The following NCKAP5 variants were observed in gnomAD, a reference collection of about 807,000 sequenced individuals.
The protein encoded by NCKAP5 is NCK associated protein 5.
NCKAP5 carries 92 observed loss-of-function variants against 167.0 expected under a neutral mutation model. The ratio of observed to expected loss-of-function variants is 0.55; its 90% CI spans 0.47 to 0.66. NCKAP5 has a LOEUF of 0.66. Among genes scored for constraint, NCKAP5 ranks in the 30% least tolerant of loss-of-function variants. The pLI is 0.00. For missense variants in NCKAP5, 2,378 were observed against 2,315.0 expected (o/e 1.03, Z -0.56); for synonymous variants, 891 against 877.4 (o/e 1.02, Z -0.27).
At chr2:133,240,895 T>C (rs981066602) in intron 4 of NCKAP5, among the ~76,000 whole-genome samples, 13 of 152,346 alleles carry the variant, frequency 8.5e-5, no homozygotes, top group Middle Eastern at 3.4e-3. Flanking sequence ...AAAAGCATTT[T>C]ACTACATTCT....
intron 9 of NCKAP5, among the ~76,000 whole-genome samples, chr2:132,873,314 C>CAT (rs1488478170): frequency 6.6e-6 from 1 of 152,002 alleles, no homozygotes; most frequent in Non-Finnish European, 1.5e-5. Flanking sequence ...GGGGTTTCAC[C>CAT]ATATCAGCCA....
intron 19 of NCKAP5, among the ~76,000 whole-genome samples, chr2:132,694,786 A>G (rs1257140541): frequency 2.6e-5 from 4 of 152,232 alleles, no homozygotes; most frequent in Admixed American, 2.0e-4. Flanking sequence ...TAGGCTCTTT[A>G]TAGAGTCTCT....
chr2:133,631,898 G>A, the NCKAP5 span, among the ~76,000 whole-genome samples: 1 of 152,158 alleles, frequency 6.6e-6, no homozygotes, highest in South Asian at 2.1e-4. Flanking sequence ...TTCTTTTGAG[G>A]GTTGGGCTTA....
In NCKAP5 at chr2:132,701,210, T is replaced by G. The variant is rs531433769; in HGVS notation, c.5713+24417A>C. Reference sequence around the variant, plus strand: ...TAAATCTGGCAACACCGTGGAAAGATTCTAAAGTCTATCCTAGGCTGAGAA... The same window carrying G: ...TAAATCTGGCAACACCGTGGAAAGAGTCTAAAGTCTATCCTAGGCTGAGAA... On this transcript the variant is annotated intron_variant, in intron 19 of 19. Transcript: ENST00000409261. Among the ~76,000 whole-genome samples the G allele has an allele frequency of 3.0e-4, 46 of 152,264 alleles. 1 individual carries two copies. The highest frequency in any genetic ancestry group is 1.0e-3 in the African/African-American group (43 of 41,548).
intron 5 of NCKAP5, among the ~76,000 whole-genome samples, chr2:133,132,837 C>T (rs915187720): frequency 2.0e-5 from 3 of 151,812 alleles, no homozygotes; most frequent in Non-Finnish European, 4.4e-5. Flanking sequence ...CAACCACGCC[C>T]GGCTAATTTT....
chr2:133,202,259 A>C (rs561905582), intron 5 of NCKAP5, among the ~76,000 whole-genome samples: 1 of 152,320 alleles, frequency 6.6e-6, no homozygotes, highest in East Asian at 1.9e-4. Flanking sequence ...GATCTTTGAC[A>C]AACCTGACAA....
intron 3 of NCKAP5, among the ~76,000 whole-genome samples, chr2:133,354,023 G>A (rs751282979): frequency 3.3e-5 from 5 of 152,176 alleles, no homozygotes; most frequent in Non-Finnish European, 5.9e-5. Context: ...TCTGTGAATG[G>A]CAGGCTAAAA....
chr2:133,164,744 C>T (rs1352687287), intron 5 of NCKAP5, among the ~76,000 whole-genome samples: 1 of 152,142 alleles, frequency 6.6e-6, no homozygotes, highest in East Asian at 1.9e-4. Flanking sequence ...TTCAGTGTCT[C>T]GGGAATCTCT....
chr2:132,745,278 A>C (rs1413605843), intron 16 of NCKAP5, among the ~76,000 whole-genome samples: 1 of 151,892 alleles, frequency 6.6e-6, no homozygotes, highest in African/African-American at 2.4e-5. Flanking sequence ...TTACCCAAGG[A>C]ATGTAAAATT....
At chr2:133,451,863 G>A (rs1200443074) in intron 3 of NCKAP5, among the ~76,000 whole-genome samples, 1 of 152,180 alleles carries the variant, frequency 6.6e-6, no homozygotes, top group Non-Finnish European at 1.5e-5. Context: ...CCGAAGGAGT[G>A]ATGGGAACTT....
At chr2:133,626,876 C>G in the NCKAP5 span, among the ~76,000 whole-genome samples, 1 of 151,714 alleles carries the variant, frequency 6.6e-6, no homozygotes, top group Non-Finnish European at 1.5e-5. Context: ...TACATATATT[C>G]AATAAAGTTA....
intron 4 of NCKAP5, among the ~76,000 whole-genome samples, chr2:133,242,249 C>CTTTTTTT (rs764246319): frequency 7.1e-6 from 1 of 140,218 alleles, no homozygotes; most frequent in African/African-American, 3.0e-5. Context: ...TTTTTCTTTT[C>CTTTTTTT]TTTTCTTTTC....
chr2:132,938,790 G>C (rs537294867), intron 8 of NCKAP5, among the ~76,000 whole-genome samples: 24 of 152,266 alleles, frequency 1.6e-4, no homozygotes, highest in African/African-American at 5.3e-4. Context: ...GTGAGAAAGA[G>C]GGAGAGAGAA....
intron 6 of NCKAP5, among the ~76,000 whole-genome samples, chr2:133,100,071 T>G (rs913376647): frequency 6.6e-6 from 1 of 152,134 alleles, no homozygotes. Context: ...TAAAGTGCAG[T>G]TGAAAATGTC....
chr2:133,494,621 C>T (rs1681768577), intron 3 of NCKAP5, among the ~76,000 whole-genome samples: 1 of 152,138 alleles, frequency 6.6e-6, no homozygotes, highest in Admixed American at 6.5e-5. Flanking sequence ...TGCGGTCAGA[C>T]ATGCCTCATT....
intron 4 of NCKAP5, among the ~76,000 whole-genome samples, chr2:133,229,021 C>A (rs2087020664): frequency 6.6e-6 from 1 of 152,022 alleles, no homozygotes; most frequent in Non-Finnish European, 1.5e-5. Flanking sequence ...TGAATGGAAC[C>A]AATCTGTAAA....
At chr2:133,037,049 C>G (rs1240088850) in intron 6 of NCKAP5, among the ~76,000 whole-genome samples, 1 of 151,854 alleles carries the variant, frequency 6.6e-6, no homozygotes. Flanking sequence ...AAAAAATAAT[C>G]ACATTTACAA....
chr2:133,537,117 G>T lies in NCKAP5; in HGVS notation c.-61-19530C>A, dbSNP rs1489158934. Among the ~76,000 whole-genome samples the T allele has an allele frequency of 4.6e-5, 7 of 152,020 alleles. No individual in the cohort carries two copies. In the East Asian group the frequency reaches 1.2e-3, roughly 25 times the overall value. On this transcript the variant is annotated intron_variant, in intron 2 of 19. Coordinates refer to ENST00000409261, the MANE Select transcript of NCKAP5 (RefSeq NM_207363.3). The stretch of plus-strand genomic sequence containing the variant: ...AAAAGTCTATTGACTATAAGTGAGA[G>T]AATTCATTTCTGCACTCTTAATTCT...
At chr2:132,768,434 T>A (rs1302097819) in intron 16 of NCKAP5, among the ~76,000 whole-genome samples, 1 of 152,126 alleles carries the variant, frequency 6.6e-6, no homozygotes, top group African/African-American at 2.4e-5. Flanking sequence ...GTAAATGCAT[T>A]ATAGTTAGAT....
Sources: gnomAD v4.1 joint callset for allele counts (sites outside exome capture counted in the v4.1 genomes callset) on GRCh38, gnomAD v4.1.1 for gene constraint, MANE v1.5 for transcripts, NCBI Gene and HGNC (gene_info 2026-07-23, HGNC 2026-07-21) for gene names.